The following PLCZ1 variants were observed in gnomAD, a reference collection of about 807,000 sequenced individuals.
PLCZ1 encodes 1-phosphatidylinositol 4,5-bisphosphate phosphodiesterase zeta-1.
A neutral mutation model predicts 76.8 loss-of-function variants in PLCZ1; 64 were observed. The ratio of observed to expected loss-of-function variants is 0.83; its 90% CI spans 0.68 to 1.03. PLCZ1 has a LOEUF of 1.03. Ranked by LOEUF, PLCZ1 falls within the 50% of genes least tolerant of loss-of-function variation. PLCZ1 has a pLI of 0.00. For missense variants in PLCZ1, 751 were observed against 713.7 expected (o/e 1.05, Z -0.60); for synonymous variants, 248 against 230.8 (o/e 1.07, Z -0.68).
chr12:18,696,291 G>T, intron 10 of PLCZ1, 25 bp from the exon 11 acceptor site: 2 of 979,792 alleles, frequency 2.0e-6, no homozygotes, highest in Non-Finnish European at 2.9e-6. Context: ...TTAAAACATT[G>T]TGAAAGAATT....
At chr12:18,700,537 T>A (rs948943529) in intron 9 of PLCZ1, among the ~76,000 whole-genome samples, 1,857 of 30,698 alleles carry the variant, frequency 0.06, 6 homozygotes, top group Non-Finnish European at 0.083. Flanking sequence ...AAAAAAAAAA[T>A]AGTTGCTCTG....
At chr12:18,650,843 C>T in the PLCZ1 span, among the ~76,000 whole-genome samples, 1 of 149,702 alleles carries the variant, frequency 6.7e-6, no homozygotes, top group Non-Finnish European at 1.5e-5. Flanking sequence ...TTATCACTCT[C>T]CACCTGAAAA....
intron 5 of PLCZ1, among the ~76,000 whole-genome samples, chr12:18,717,526 T>C (rs1335361499): frequency 1.3e-5 from 2 of 152,196 alleles, no homozygotes; most frequent in East Asian, 3.8e-4. Context: ...GTTTTTCCAG[T>C]CTGATAACTT....
intron 12 of PLCZ1, among the ~76,000 whole-genome samples, chr12:18,688,706 C>T (rs571348904): frequency 6.6e-6 from 1 of 151,884 alleles, no homozygotes; most frequent in African/African-American, 2.4e-5. Flanking sequence ...TCAAAAAAAT[C>T]TTAACAAAGT....
At chr12:18,691,944 CT>C (rs1220269350) in intron 12 of PLCZ1, among the ~76,000 whole-genome samples, 5 of 152,182 alleles carry the variant, frequency 3.3e-5, no homozygotes. Context: ...TGGAAAACAG[CT>C]CTCAATCCTC....
chr12:18,669,879 C>T, the PLCZ1 span, among the ~76,000 whole-genome samples: 1 of 152,130 alleles, frequency 6.6e-6, no homozygotes, highest in Non-Finnish European at 1.5e-5. Context: ...CCACGTTGCT[C>T]AGGCTGGTCT....
At chr12:18,702,970 T>C (rs1383328652) in intron 7 of PLCZ1, among the ~76,000 whole-genome samples, 3 of 151,832 alleles carry the variant, frequency 2.0e-5, no homozygotes, top group Admixed American at 2.0e-4. Flanking sequence ...ACAGGGTAAC[T>C]TTAATTCTTT....
intron 14 of PLCZ1, 123 bp from the exon 15 acceptor site, chr12:18,683,447 T>TG: frequency 1.4e-6 from 2 of 1,433,880 alleles, no homozygotes; most frequent in South Asian, 2.4e-5. Context: ...TATAGAGTTA[T>TG]ATTCCCATCT....
chr12:18,663,058 T>C, the PLCZ1 span, among the ~76,000 whole-genome samples: 1 of 152,034 alleles, frequency 6.6e-6, no homozygotes, highest in Non-Finnish European at 1.5e-5. Flanking sequence ...TCAAAAGACA[T>C]AGATGGAAAA....
At chr12:18,722,222 C>G (rs1423404962) in intron 4 of PLCZ1, among the ~76,000 whole-genome samples, 1 of 134,050 alleles carries the variant, frequency 7.5e-6, no homozygotes, top group African/African-American at 2.7e-5. Flanking sequence ...CACCTTCTTG[C>G]TCTATGTTTC....
the PLCZ1 span, among the ~76,000 whole-genome samples, chr12:18,659,272 A>G: frequency 6.6e-6 from 1 of 152,200 alleles, no homozygotes; most frequent in Admixed American, 6.5e-5. Flanking sequence ...ATGCAAAGAG[A>G]TAAATACTAT....
Position 18,693,181 on chromosome 12 carries a change from T to C in PLCZ1, c.1461+1729A>G, listed in dbSNP as rs887638908. ...GTGGGCTCAGAACACTACATCAGCA[T>C]TCTTTCATTTGCAGACAAGGATCTT... On this transcript the variant is annotated intron_variant, in intron 12 of 14. Coordinates refer to ENST00000266505, the MANE Select transcript of PLCZ1 (RefSeq NM_033123.4). 6.4e-6 allele frequency: 10 copies of C among 1,552,320 alleles called. No homozygotes were observed. In the African/African-American group the frequency reaches 1.2e-4, roughly 19 times the overall value.
chr12:18,714,350 T>C (rs1957699654), intron 5 of PLCZ1, among the ~76,000 whole-genome samples: 1 of 152,210 alleles, frequency 6.6e-6, no homozygotes, highest in South Asian at 2.1e-4. Flanking sequence ...TGGTTAGTGC[T>C]GTTTCTACAA....
rs760831734 is a variant in PLCZ1 at position 18,723,531 on chromosome 12, C to A, written c.147G>T (p.Arg49Ser). Residue 49 changes from arginine to serine, a missense_variant, in exon 4 of 15, where the codon AGG becomes AGT. Physicochemically the swap from Arg to Ser is moderately radical, Grantham distance 110. Transcript: ENST00000266505. The stretch of plus-strand genomic sequence containing the variant: ...CTATGGTGATTCTTCCTTGTTTCAG[C>A]CTGTCATTGTCCTACTAAAAAAATG... ...HVKQIFKDNDRLKQGRITIEE... is the reference protein window; with the variant it reads ...HVKQIFKDNDSLKQGRITIEE... 6.2e-7 allele frequency: 1 copy of A among 1,611,768 alleles called. No individual in the cohort carries two copies. The highest frequency in any genetic ancestry group is 8.5e-7 in the Non-Finnish European group (1 of 1,179,100).
At chr12:18,646,314 C>T in the PLCZ1 span, among the ~76,000 whole-genome samples, 26,103 of 152,058 alleles carry the variant, frequency 0.17, 2,834 homozygotes, top group African/African-American at 0.3. Context: ...TGAGCAACAC[C>T]AGAAAACTAA....
downstream of PLCZ1, chr12:18,683,085 T>A (rs181619881): frequency 1.4e-5 from 10 of 701,056 alleles, no homozygotes; most frequent in East Asian, 2.8e-4. Flanking sequence ...CTTCCACTGA[T>A]TTATTTTTGT....
chr12:18,689,972 C>T (rs78438431), intron 12 of PLCZ1, among the ~76,000 whole-genome samples: 2,461 of 152,246 alleles, frequency 0.016, 75 homozygotes, highest in African/African-American at 0.055. Flanking sequence ...CCTGGAGAAT[C>T]ATTAACTCTC....
intron 5 of PLCZ1, among the ~76,000 whole-genome samples, chr12:18,717,397 T>A (rs1317958656): frequency 2.0e-5 from 3 of 152,214 alleles, no homozygotes; most frequent in Non-Finnish European, 4.4e-5. Flanking sequence ...TATTTACTTG[T>A]ATGTTTGATA....
chr12:18,702,060 A>G (rs1031460180), intron 7 of PLCZ1, among the ~76,000 whole-genome samples: 1 of 152,150 alleles, frequency 6.6e-6, no homozygotes, highest in African/African-American at 2.4e-5. Context: ...AACAATTTGA[A>G]ATATGTGAAA....
Sources: allele counts gnomAD v4.1 joint callset (sites outside exome capture counted in the v4.1 genomes callset), GRCh38; gene constraint gnomAD v4.1.1; transcripts MANE v1.5; gene names NCBI Gene and HGNC (gene_info 2026-07-23, HGNC 2026-07-21).